Variants in ADK observed in about 807,000 individuals in gnomAD.
ADK encodes the protein N6,N6-dimethyladenosine kinase.
A neutral mutation model predicts 44.7 loss-of-function variants in ADK; 24 were observed. That is an observed-to-expected ratio of 0.54 (90% confidence interval 0.39 to 0.76). The LOEUF (loss-of-function observed/expected upper bound fraction) is 0.76. Among genes scored for constraint, ADK ranks in the 30% least tolerant of loss-of-function variants. ADK has a pLI of 0.00. For synonymous variants in ADK, 128 were observed against 142.6 expected (o/e 0.90, Z 0.73); for missense variants, 321 against 425.1 (o/e 0.76, Z 2.15).
At chr10:74,234,119 G>C (rs1844876904) in intron 3 of ADK, among the ~76,000 whole-genome samples, 1 of 152,196 alleles carries the variant, frequency 6.6e-6, no homozygotes, top group Non-Finnish European at 1.5e-5. Flanking sequence ...TTCCCCTTAA[G>C]GGTTGAGTCA....
chr10:74,196,865 T>C (rs942781941), intron 1 of ADK, among the ~76,000 whole-genome samples: 5 of 152,140 alleles, frequency 3.3e-5, no homozygotes, highest in African/African-American at 9.7e-5. Flanking sequence ...AGATGGAGTA[T>C]AGGTTTCAGG....
intron 6 of ADK, among the ~76,000 whole-genome samples, chr10:74,492,685 C>T (rs568214710): frequency 1.6e-4 from 24 of 152,154 alleles, no homozygotes; most frequent in African/African-American, 5.8e-4. Context: ...GTATAGGCTG[C>T]TTATTTTGTA....
intron 7 of ADK, among the ~76,000 whole-genome samples, chr10:74,572,571 TCTC>T (rs1384294240): frequency 6.6e-6 from 1 of 152,226 alleles, no homozygotes; most frequent in Admixed American, 6.5e-5. Context: ...TTGGGGAAGT[TCTC>T]CTGGATAATA....
chr10:74,668,876 G>GC (rs1855067727), intron 9 of ADK, among the ~76,000 whole-genome samples: 2 of 138,164 alleles, frequency 1.4e-5, no homozygotes, highest in South Asian at 2.5e-4. Context: ...CTACCCACCC[G>GC]CCCCCCAAAA....
chr10:74,651,913 G>A (rs181089080), intron 9 of ADK, among the ~76,000 whole-genome samples: 5 of 152,202 alleles, frequency 3.3e-5, no homozygotes, highest in Non-Finnish European at 5.9e-5. Context: ...AACATATACT[G>A]TATGATTACA....
chr10:74,660,694 C>T (rs1477894203), intron 9 of ADK, among the ~76,000 whole-genome samples: 1 of 139,900 alleles, frequency 7.1e-6, no homozygotes, highest in Non-Finnish European at 1.5e-5. Context: ...TGCACCACTG[C>T]ACTCCAGCCA....
intron 6 of ADK, among the ~76,000 whole-genome samples, chr10:74,449,191 T>C (rs571404393): frequency 6.6e-6 from 1 of 152,352 alleles, no homozygotes; most frequent in African/African-American, 2.4e-5. Flanking sequence ...TTATTCTCTC[T>C]GTCAAGGAAA....
chr10:74,542,964 G>A (rs977301785), intron 7 of ADK, among the ~76,000 whole-genome samples: 3 of 151,354 alleles, frequency 2.0e-5, no homozygotes, highest in Non-Finnish European at 4.4e-5. Flanking sequence ...GCAGTGGTGC[G>A]ATCTCGGCTC....
At chr10:74,704,271 G>C (rs917803262) in intron 10 of ADK, among the ~76,000 whole-genome samples, 1 of 152,152 alleles carries the variant, frequency 6.6e-6, no homozygotes, top group East Asian at 1.9e-4. Context: ...GGTAGTAGTT[G>C]CACATTGTGA....
chr10:74,194,868 G>A lies in ADK; in HGVS notation c.66-5896G>A, dbSNP rs561526162. Reference sequence around the variant, plus strand: ...GCAGTCATTGTTAGTGTTTATTCTGGCATCATAATTAAATGTTTCTATTAC... The same window carrying A: ...GCAGTCATTGTTAGTGTTTATTCTGACATCATAATTAAATGTTTCTATTAC... On this transcript the variant is annotated intron_variant, in intron 1 of 10. Coordinates refer to ENST00000539909, the MANE Select transcript of ADK (RefSeq NM_006721.4). Among the ~76,000 whole-genome samples the A allele has an allele frequency of 2.0e-4, 31 of 152,180 alleles. No homozygotes were observed. The South Asian group carries it at 6.0e-3, about 29-fold the overall frequency.
chr10:74,426,098 ATG>A (rs1352717541), intron 6 of ADK, among the ~76,000 whole-genome samples: 3 of 152,180 alleles, frequency 2.0e-5, no homozygotes, highest in Non-Finnish European at 4.4e-5. Context: ...ATGTGCATGT[ATG>A]TCTCTATACA....
chr10:74,480,832 T>C (rs372023998), intron 6 of ADK, among the ~76,000 whole-genome samples: 2 of 152,202 alleles, frequency 1.3e-5, no homozygotes, highest in East Asian at 1.9e-4. Context: ...ATCTTTTAAA[T>C]GTGTAGATTT....
chr10:74,282,125 A>C (rs1408874768), intron 3 of ADK, among the ~76,000 whole-genome samples: 1 of 152,224 alleles, frequency 6.6e-6, no homozygotes, highest in Non-Finnish European at 1.5e-5. Context: ...GACAGTTTAA[A>C]AGATTGTTTT....
chr10:74,360,198 T>G (rs1442752744), intron 4 of ADK, among the ~76,000 whole-genome samples: 1 of 152,164 alleles, frequency 6.6e-6, no homozygotes, highest in Non-Finnish European at 1.5e-5. Flanking sequence ...CTGTTTGAAG[T>G]TAAACACTGA....
chr10:74,219,286 T>C (rs1844193155), intron 2 of ADK, among the ~76,000 whole-genome samples: 1 of 151,864 alleles, frequency 6.6e-6, no homozygotes, highest in Non-Finnish European at 1.5e-5. Flanking sequence ...CATTACATAA[T>C]GGTAAAGGGA....
chr10:74,528,350 G>A (rs1422612492), intron 7 of ADK: 1 of 165,990 alleles, frequency 6.0e-6, no homozygotes, highest in Non-Finnish European at 1.3e-5. Context: ...GGTGGAAAAT[G>A]TATTTAGAAT....
chr10:74,412,666 C>T (rs1592173804), intron 6 of ADK, among the ~76,000 whole-genome samples: 1 of 152,300 alleles, frequency 6.6e-6, no homozygotes, highest in South Asian at 2.1e-4. Context: ...ACGTCTCCAT[C>T]AGAGCCCTTG....
chr10:74,708,179 T>A (rs2131805352), intron 10 of ADK, 142 bp from the exon 11 acceptor site: 25 of 693,476 alleles, frequency 3.6e-5, no homozygotes, highest in Non-Finnish European at 4.9e-5. Flanking sequence ...AAGACCTCCC[T>A]AACGGTAACG....
intron 4 of ADK, among the ~76,000 whole-genome samples, chr10:74,378,051 GT>G (rs35681211): frequency 1.5e-3 from 223 of 145,168 alleles, no homozygotes; most frequent in African/African-American, 2.3e-3. Context: ...CTGTGCCTCA[GT>G]TTTTTTTTTT....
Sources: allele counts gnomAD v4.1 joint callset (sites outside exome capture counted in the v4.1 genomes callset), GRCh38; gene constraint gnomAD v4.1.1; transcripts MANE v1.5; gene names NCBI Gene and HGNC (gene_info 2026-07-23, HGNC 2026-07-21).